Variants in DPP10 observed in about 807,000 individuals in gnomAD.
The protein encoded by DPP10 is inactive dipeptidyl peptidase 10.
Under a neutral mutation model 120.9 loss-of-function variants are expected in DPP10, and 33 were observed. The ratio of observed to expected loss-of-function variants is 0.27; its 90% CI spans 0.21 to 0.37. The LOEUF (loss-of-function observed/expected upper bound fraction) is 0.37, where lower values mean the gene tolerates loss of function less well. Among genes scored for constraint, DPP10 ranks in the 10% least tolerant of loss-of-function variants. The probability of loss-of-function intolerance (pLI) is 1.00; values close to 1 mark genes in which losing one functional copy is unlikely to be tolerated. For missense variants in DPP10, 816 were observed against 942.8 expected, an observed-to-expected ratio of 0.87 and a Z score of 1.76; for synonymous variants, 337 against 326.1, an observed-to-expected ratio of 1.03 and a Z score of -0.36.
At chr2:115,452,108 C>T (rs757346284) in intron 3 of DPP10, among the ~76,000 whole-genome samples, 2 of 151,808 alleles carry the variant, frequency 1.3e-5, no homozygotes, top group Non-Finnish European at 2.9e-5. Context: ...TTCTCATTCT[C>T]AGTTATCTTT....
intron 1 of DPP10, 72 bp downstream of exon 1, chr2:114,442,910 A>G: frequency 6.4e-7 from 1 of 1,574,660 alleles, no homozygotes; most frequent in Non-Finnish European, 8.7e-7. Context: ...GGGCATTGAT[A>G]TATCGGGGTA....
chr2:114,659,081 C>T (rs549443941), intron 1 of DPP10, among the ~76,000 whole-genome samples: 5 of 152,272 alleles, frequency 3.3e-5, no homozygotes, highest in African/African-American at 9.6e-5. Flanking sequence ...TGCCTTCTTC[C>T]CCTTCTGCCA....
intron 1 of DPP10, among the ~76,000 whole-genome samples, chr2:114,564,115 C>T (rs773961499): frequency 3.9e-5 from 6 of 151,938 alleles, no homozygotes; most frequent in Non-Finnish European, 8.8e-5. Flanking sequence ...CTGTCCTGTG[C>T]GGAGTAAAAG....
At chr2:115,322,166 A>G (rs1252492072) in intron 2 of DPP10, among the ~76,000 whole-genome samples, 2 of 150,916 alleles carry the variant, frequency 1.3e-5, no homozygotes, top group Non-Finnish European at 3.0e-5. Context: ...TTATAATCAA[A>G]TTTTTCTTCC....
In DPP10 at chr2:115,844,582, C is replaced by T. The variant is rs1412920450; in HGVS notation, c.*2237C>T. On this transcript the variant is annotated 3_prime_UTR_variant, in exon 26 of 26. Coordinates refer to ENST00000410059, the MANE Select transcript of DPP10 (RefSeq NM_020868.6). ...GGTCATTTTCAGTAAAGGAAATGCTCACCAACACATAGTCACCAACTATTA... is the reference window on the plus strand; with the variant it reads ...GGTCATTTTCAGTAAAGGAAATGCTTACCAACACATAGTCACCAACTATTA... The T allele has an allele frequency of 6.6e-6, 1 of 152,016 alleles. No individual in the cohort carries two copies. Among genetic ancestry groups the T allele is most frequent in the East Asian group, 1.9e-4 (1 of 5,178 alleles). The allele number at this position is 152,016 out of a possible 1,614,324, so 9.4% of individuals were successfully genotyped here. A position where few individuals can be genotyped will look rare whatever the true frequency, so the allele number is the denominator to read the frequency against.
intron 11 of DPP10, among the ~76,000 whole-genome samples, chr2:115,762,097 CTGAG>C (rs1680180740): frequency 6.6e-6 from 1 of 152,178 alleles, no homozygotes; most frequent in South Asian, 2.1e-4. Context: ...TTCTCAAAGA[CTGAG>C]TTACTACTGA....
At chr2:115,229,701 TATTCTATTC>T (rs2057635999) in intron 1 of DPP10, among the ~76,000 whole-genome samples, 1 of 136,462 alleles carries the variant, frequency 7.3e-6, no homozygotes, top group Non-Finnish European at 1.6e-5. Flanking sequence ...TATTCTATTC[TATTCTATTC>T]TATTCTATTC....
chr2:115,561,836 G>T (rs182440814), intron 5 of DPP10, among the ~76,000 whole-genome samples: 101 of 152,104 alleles, frequency 6.6e-4, no homozygotes, highest in Admixed American at 1.1e-3. Context: ...GTTCTGCATC[G>T]CTTTGCCGCT....
chr2:115,303,809 A>G (rs182872442), intron 1 of DPP10, among the ~76,000 whole-genome samples: 9 of 151,938 alleles, frequency 5.9e-5, no homozygotes, highest in Non-Finnish European at 1.3e-4. Flanking sequence ...ATTTTGTTAA[A>G]TGGTAAATGG....
At chr2:114,540,573 C>A (rs567004251) in intron 1 of DPP10, among the ~76,000 whole-genome samples, 15 of 152,110 alleles carry the variant, frequency 9.9e-5, no homozygotes, top group Non-Finnish European at 1.9e-4. Context: ...GTTTCCTTGG[C>A]AATAGAACAT....
intron 1 of DPP10, among the ~76,000 whole-genome samples, chr2:115,255,219 C>T (rs912072743): frequency 2.0e-5 from 3 of 152,306 alleles, no homozygotes; most frequent in South Asian, 4.1e-4. Flanking sequence ...GGCTCAACAC[C>T]ATGTGGAAGC....
chr2:114,680,663 G>A (rs1698969641), intron 1 of DPP10, among the ~76,000 whole-genome samples: 1 of 151,864 alleles, frequency 6.6e-6, no homozygotes, highest in South Asian at 2.1e-4. Context: ...AAGTACAAAT[G>A]GCCTAATGAA....
intron 8 of DPP10, among the ~76,000 whole-genome samples, chr2:115,731,274 C>T (rs1021317265): frequency 1.3e-5 from 2 of 151,874 alleles, no homozygotes; most frequent in Non-Finnish European, 2.9e-5. Context: ...AGGAAAATCG[C>T]TTGAACCAGG....
At chr2:114,767,013 A>G (rs1286834630) in intron 1 of DPP10, among the ~76,000 whole-genome samples, 1 of 151,434 alleles carries the variant, frequency 6.6e-6, no homozygotes, top group African/African-American at 2.4e-5. Context: ...TGCAAATGTC[A>G]ATTTCCTAGA....
chr2:114,684,212 A>C (rs1189873611), intron 1 of DPP10, among the ~76,000 whole-genome samples: 1 of 151,918 alleles, frequency 6.6e-6, no homozygotes, highest in African/African-American at 2.4e-5. Context: ...GAACTGAAAT[A>C]CAAGTAGACC....
intron 1 of DPP10, among the ~76,000 whole-genome samples, chr2:115,308,186 C>T (rs1332869300): frequency 6.6e-6 from 1 of 152,072 alleles, no homozygotes; most frequent in Non-Finnish European, 1.5e-5. Flanking sequence ...GTCACAGGAA[C>T]TCATGTACAA....
intron 8 of DPP10, among the ~76,000 whole-genome samples, chr2:115,728,638 A>G (rs1349076805): frequency 6.6e-6 from 1 of 152,212 alleles, no homozygotes; most frequent in Admixed American, 6.5e-5. Context: ...ATTATAAATT[A>G]TAAAGCTATG....
rs886878403 is a variant in DPP10, at chr2:114,765,909, A to T, written c.60+323071A>T. Among the ~76,000 whole-genome samples, 10 of 152,146 alleles carry T rather than the reference A, an allele frequency of 6.6e-5. No individual in the cohort carries two copies. The South Asian group carries it at 1.0e-3, about 16-fold the overall frequency. On this transcript the variant is annotated intron_variant, in intron 1 of 25. Coordinates refer to ENST00000410059, the MANE Select transcript of DPP10 (RefSeq NM_020868.6). Reference sequence around the variant, plus strand: ...AATAAAAAAATCCTAACTGGAGGAAATCTTATTCTTTTTTGCCTCTCAGGG... The same window carrying T: ...AATAAAAAAATCCTAACTGGAGGAATTCTTATTCTTTTTTGCCTCTCAGGG...
At chr2:115,728,876 T>A (rs2092831519) in intron 8 of DPP10, among the ~76,000 whole-genome samples, 1 of 152,198 alleles carries the variant, frequency 6.6e-6, no homozygotes, top group South Asian at 2.1e-4. Flanking sequence ...TAATAAACCG[T>A]ATATTTACGT....
Sources: gnomAD v4.1 joint callset for allele counts (sites outside exome capture counted in the v4.1 genomes callset) on GRCh38, gnomAD v4.1.1 for gene constraint, MANE v1.5 for transcripts, NCBI Gene and HGNC (gene_info 2026-07-23, HGNC 2026-07-21) for gene names.